GALNT18: variants seen among roughly 807,000 people sequenced by gnomAD.
GALNT18 encodes the protein polypeptide N-acetylgalactosaminyltransferase 18, also known as GalNAc-transferase 18.
GALNT18 carries 44 observed loss-of-function variants against 69.5 expected under a neutral mutation model. That is an observed-to-expected ratio of 0.63 (90% confidence interval 0.50 to 0.81). GALNT18 has a LOEUF of 0.81. Among genes scored for constraint, GALNT18 ranks in the 40% least tolerant of loss-of-function variants. GALNT18 has a pLI of 0.00. For synonymous variants in GALNT18, 364 were observed against 318.2 expected (o/e 1.14, Z -1.53); for missense variants, 715 against 810.0 (o/e 0.88, Z 1.42).
chr11:11,424,351 C>G (rs1456092206), intron 3 of GALNT18, among the ~76,000 whole-genome samples: 1 of 152,116 alleles, frequency 6.6e-6, no homozygotes, highest in Non-Finnish European at 1.5e-5. Flanking sequence ...AGAGGAGATA[C>G]AAGGTCCAGG....
Position 11,327,174 on chromosome 11 carries a change from T to C in GALNT18, c.1424A>G (p.Asn475Ser), listed in dbSNP as rs116436785. The C allele has an allele frequency of 8.7e-5, 140 of 1,612,898 alleles. No homozygotes were observed. The African/African-American group carries it at 1.7e-3, about 19-fold the overall frequency. ...SDIIAYGVLQ[N>S]SLKTDLCLDQ... ...AAGACACAAATCAGTCTTCAGAGAA[T>C]TCTGCAGCTGAACATCAGAGAACAG... is the stretch of plus-strand genomic sequence containing the variant. Residue 475 changes from asparagine (N) to serine (S), a missense_variant, in exon 9 of 11, where the codon AAT becomes AGT. By Grantham distance (46) the Asn-to-Ser change is conservative (BLOSUM62 1). Transcript: ENST00000227756.
intron 9 of GALNT18, among the ~76,000 whole-genome samples, chr11:11,326,827 C>A (rs147691681): frequency 2.9e-3 from 436 of 152,314 alleles, no homozygotes; most frequent in African/African-American, 9.7e-3. Context: ...AGAAGTGTAA[C>A]CCCTTTCCTC....
chr11:11,272,135 C>T (rs1445535401), intron 10 of GALNT18, among the ~76,000 whole-genome samples: 1 of 152,194 alleles, frequency 6.6e-6, no homozygotes, highest in Non-Finnish European at 1.5e-5. Flanking sequence ...CTTAATGGCA[C>T]TTGAGTATAT....
chr11:11,617,344 A>G lies in GALNT18; in HGVS notation c.235+4015T>C, dbSNP rs578219188. Among the ~76,000 whole-genome samples, 35 of 152,352 alleles carry G rather than the reference A, an allele frequency of 2.3e-4. No individual in the cohort carries two copies. The highest frequency in any genetic ancestry group is 8.2e-4 in the African/African-American group (34 of 41,586). On this transcript the variant is annotated intron_variant, in intron 1 of 10. Transcript: ENST00000227756. This position sits in a 1 kb window ranked among gnomAD's most constrained non-coding sequence, Gnocchi z 4.7. ...CAAGTCCGCTATGACAAGGACCAAG[A>G]GTGCCCATACTCCTGTAGAGTGTCT...
chr11:11,377,673 A>T lies in GALNT18; in HGVS notation c.780-294T>A, dbSNP rs1274307402. On this transcript the variant is annotated intron_variant, in intron 4 of 10. Coordinates refer to ENST00000227756, the MANE Select transcript of GALNT18 (RefSeq NM_198516.3). The surrounding 1 kb of genome is among the most constrained non-coding windows in gnomAD (Gnocchi z 4.6). ...CTCGCTTTCCCTTTCTCCATTAGAA[A>T]AAAAAAAAATCAAGACTCAAAAAAG... 6.6e-6 allele frequency among the ~76,000 whole-genome samples: 1 copy of T among 151,734 alleles called. No homozygotes were observed. Among genetic ancestry groups the T allele is most frequent in the East Asian group, 1.9e-4 (1 of 5,182 alleles).
At position 11,582,833 on chromosome 11, in the gene GALNT18, T is replaced by A. The variant is rs1480014740; in HGVS notation, c.235+38526A>T. 6.6e-6 allele frequency among the ~76,000 whole-genome samples: 1 copy of A among 152,180 alleles called. No homozygotes were observed. Among genetic ancestry groups the A allele is most frequent in the African/African-American group, 2.4e-5 (1 of 41,440 alleles). ...TTAAAAGATTACTCTAGTTGTTGAG[T>A]GAAGAACGGACCCACATCAGCTGCA... On this transcript the variant is annotated intron_variant, in intron 1 of 10. Transcript: ENST00000227756. The surrounding 1 kb of genome is among the most constrained non-coding windows in gnomAD (Gnocchi z 5.0).
intron 3 of GALNT18, among the ~76,000 whole-genome samples, chr11:11,411,211 G>T (rs1854719489): frequency 6.6e-6 from 1 of 152,126 alleles, no homozygotes; most frequent in Admixed American, 6.5e-5. Flanking sequence ...CTACTCGGGA[G>T]GTTAAGGTGA....
intron 6 of GALNT18, chr11:11,353,011 C>G (rs1333358539): frequency 6.2e-7 from 1 of 1,614,196 alleles, no homozygotes. Context: ...TGGTAGTCAT[C>G]TTGATTTCCC....
At chr11:11,551,190 G>A (rs1212178049) in intron 1 of GALNT18, among the ~76,000 whole-genome samples, 1 of 151,732 alleles carries the variant, frequency 6.6e-6, no homozygotes, top group Non-Finnish European at 1.5e-5. Context: ...CTTTTAAGTG[G>A]GTCAGCTCAA....
At chr11:11,285,205 G>T (rs923574221) in intron 10 of GALNT18, among the ~76,000 whole-genome samples, 1 of 152,100 alleles carries the variant, frequency 6.6e-6, no homozygotes, top group Non-Finnish European at 1.5e-5. Context: ...TTTTCCAGAG[G>T]CAGGACAAGG....
intron 3 of GALNT18, among the ~76,000 whole-genome samples, chr11:11,420,612 T>C (rs577282311): frequency 6.6e-6 from 1 of 152,356 alleles, no homozygotes; most frequent in African/African-American, 2.4e-5. Flanking sequence ...AGGAGGACCC[T>C]GGCATACAAG....
chr11:11,515,855 C>T (rs142534378), intron 1 of GALNT18, among the ~76,000 whole-genome samples: 318 of 152,318 alleles, frequency 2.1e-3, no homozygotes, highest in African/African-American at 7.2e-3. Context: ...CCAGGTAGCA[C>T]GGCCCCATGA....
intron 2 of GALNT18, among the ~76,000 whole-genome samples, chr11:11,434,981 A>T (rs1450232689): frequency 6.6e-6 from 1 of 152,198 alleles, no homozygotes; most frequent in African/African-American, 2.4e-5. Context: ...TAACACAAAC[A>T]CCACTTGCTA....
At chr11:11,285,304 C>T (rs567563526) in intron 10 of GALNT18, among the ~76,000 whole-genome samples, 4 of 152,158 alleles carry the variant, frequency 2.6e-5, no homozygotes, top group Non-Finnish European at 4.4e-5. Flanking sequence ...CTCCATGCCT[C>T]AGTTTCCTCC....
intron 3 of GALNT18, among the ~76,000 whole-genome samples, chr11:11,385,374 C>T (rs1043505895): frequency 2.6e-5 from 4 of 151,604 alleles, no homozygotes; most frequent in Non-Finnish European, 5.9e-5. Context: ...CGGCTCACTG[C>T]AAGCTCCGCC....
At chr11:11,394,381 G>A (rs1564926923) in intron 3 of GALNT18, among the ~76,000 whole-genome samples, 1 of 152,300 alleles carries the variant, frequency 6.6e-6, no homozygotes, top group Non-Finnish European at 1.5e-5. Flanking sequence ...TTTGGGAGAG[G>A]AGGTTGGATA....
At chr11:11,276,928 G>A (rs948845004) in intron 10 of GALNT18, among the ~76,000 whole-genome samples, 1 of 152,156 alleles carries the variant, frequency 6.6e-6, no homozygotes, top group Non-Finnish European at 1.5e-5. Context: ...TTTCACTGAT[G>A]ATTTTCACAT....
At chr11:11,311,221 G>T (rs1395243764) in intron 9 of GALNT18, among the ~76,000 whole-genome samples, 2 of 152,180 alleles carry the variant, frequency 1.3e-5, no homozygotes, top group Non-Finnish European at 2.9e-5. Flanking sequence ...AGCAACTCAA[G>T]TACCCAACTT....
intron 9 of GALNT18, among the ~76,000 whole-genome samples, chr11:11,293,622 C>T (rs931496909): frequency 7.1e-6 from 1 of 141,162 alleles, no homozygotes; most frequent in Non-Finnish European, 1.5e-5. Flanking sequence ...CTCACTGCAA[C>T]CTTCCACCTC....
Sources: gnomAD v4.1 joint callset for allele counts (sites outside exome capture counted in the v4.1 genomes callset) on GRCh38, gnomAD v4.1.1 for gene constraint, Gnocchi (gnomAD v3.1) non-coding constraint, MANE v1.5 for transcripts, NCBI Gene and HGNC (gene_info 2026-07-23, HGNC 2026-07-21) for gene names.